The following GSE1 variants were observed in gnomAD, a reference collection of about 807,000 sequenced individuals.
GSE1 encodes the protein Gse1 coiled-coil protein.
A neutral mutation model predicts 112.6 loss-of-function variants in GSE1; 32 were observed. The ratio of observed to expected loss-of-function variants is 0.28; its 90% CI spans 0.21 to 0.38. The LOEUF (loss-of-function observed/expected upper bound fraction) is 0.38, where lower values mean the gene tolerates loss of function less well. GSE1 is among the 10% of genes least tolerant of loss of function. GSE1 has a pLI of 1.00. For missense variants in GSE1, 2,348 were observed against 1,699.2 expected (o/e 1.38, Z -6.71); for synonymous variants, 1,115 against 735.6 (o/e 1.52, Z -8.35).
chr16:85,664,174 C>T (rs1010248988), intron 11 of GSE1, among the ~76,000 whole-genome samples: 2 of 152,272 alleles, frequency 1.3e-5, no homozygotes, highest in Admixed American at 6.5e-5. Context: ...GCAGCCACAA[C>T]ACCTGCTCAG....
rs529333312 is a variant in GSE1, at chr16:85,656,028, C to G, written c.989+111C>G. On this transcript the variant is annotated intron_variant, in intron 6 of 15. Transcript: ENST00000253458. Reference sequence around the variant, plus strand: ...TGGACTCCTTGGCCATGCCTGTCCTCACAGTTTGTCCACCTGCCAAATGGG... The same window carrying G: ...TGGACTCCTTGGCCATGCCTGTCCTGACAGTTTGTCCACCTGCCAAATGGG... 9.5e-6 allele frequency: 8 copies of G among 838,308 alleles called. No individual in the cohort carries two copies. The South Asian group carries it at 1.4e-4, about 14-fold the overall frequency. 51.9% of individuals were successfully genotyped at this position (838,308 alleles called of 1,614,324 possible).
At chr16:85,306,094 A>C (rs1018782465) in intron 1 of GSE1, 2 of 154,068 alleles carry the variant, frequency 1.3e-5, no homozygotes, top group Non-Finnish European at 2.9e-5. Flanking sequence ...CTGTCTGAAA[A>C]AATAGAAAAA....
At chr16:85,551,147 T>A (rs2151236615), upstream of GSE1, among the ~76,000 whole-genome samples, 1 of 152,214 alleles carries the variant, frequency 6.6e-6, no homozygotes, top group South Asian at 2.1e-4. Flanking sequence ...CTCTTTTCCA[T>A]AAATGTCTGA....
intron 2 of GSE1, among the ~76,000 whole-genome samples, chr16:85,367,586 G>A (rs1401321241): frequency 6.6e-6 from 1 of 152,174 alleles, no homozygotes; most frequent in African/African-American, 2.4e-5. Context: ...AGAGGCCTAA[G>A]GAGGTGGCAT....
At chr16:85,639,306 G>A (rs936880075) in intron 2 of GSE1, among the ~76,000 whole-genome samples, 1 of 152,122 alleles carries the variant, frequency 6.6e-6, no homozygotes, top group Non-Finnish European at 1.5e-5. Context: ...TCCCCTCCTC[G>A]GAATGGCGGC....
chr16:85,176,763 C>T (rs2143220587), intron 1 of GSE1, among the ~76,000 whole-genome samples: 1 of 152,380 alleles, frequency 6.6e-6, no homozygotes, highest in African/African-American at 2.4e-5. Flanking sequence ...CCGCAACCAC[C>T]TTTCTTCTCT....
intron 2 of GSE1, among the ~76,000 whole-genome samples, chr16:85,508,267 C>T (rs1243669239): frequency 6.6e-6 from 1 of 152,228 alleles, no homozygotes; most frequent in Non-Finnish European, 1.5e-5. Context: ...CTCCTGACCT[C>T]AGGTGATCCA....
intron 3 of GSE1, among the ~76,000 whole-genome samples, chr16:85,649,144 C>T (rs1179380826): frequency 6.6e-6 from 1 of 152,136 alleles, no homozygotes; most frequent in South Asian, 2.1e-4. Context: ...CTGATCTCCT[C>T]TTCTCATAAG....
chr16:85,576,999 G>A (rs1430387702), intron 1 of GSE1, among the ~76,000 whole-genome samples: 1 of 152,160 alleles, frequency 6.6e-6, no homozygotes, highest in East Asian at 1.9e-4. Context: ...GATTATCACA[G>A]TCAGGACGCT....
chr16:85,205,607 C>T (rs1465763913), intron 1 of GSE1, among the ~76,000 whole-genome samples: 5 of 152,050 alleles, frequency 3.3e-5, no homozygotes, highest in Non-Finnish European at 5.9e-5. Flanking sequence ...CCCACAGCCC[C>T]TCTTTGGCTC....
At chr16:85,473,974 G>A (rs956322003) in intron 2 of GSE1, among the ~76,000 whole-genome samples, 4 of 152,098 alleles carry the variant, frequency 2.6e-5, no homozygotes, top group Non-Finnish European at 4.4e-5. Context: ...CCTGGGGGCC[G>A]AAGGCCCTGG....
intron 2 of GSE1, among the ~76,000 whole-genome samples, chr16:85,428,458 C>T (rs764178456): frequency 6.6e-6 from 1 of 152,234 alleles, no homozygotes; most frequent in Non-Finnish European, 1.5e-5. Context: ...CCTCAGCTTG[C>T]TTAGCTGTAA....
chr16:85,452,596 C>A (rs2049717171), intron 2 of GSE1, among the ~76,000 whole-genome samples: 2 of 152,268 alleles, frequency 1.3e-5, no homozygotes, highest in African/African-American at 4.8e-5. Context: ...TCTCAAAGGG[C>A]CTCCTTCCTC....
intron 1 of GSE1, among the ~76,000 whole-genome samples, chr16:85,236,900 C>T (rs908555157): frequency 1.1e-4 from 17 of 152,218 alleles, no homozygotes; most frequent in Non-Finnish European, 1.2e-4. Flanking sequence ...CAACTTCCAG[C>T]CACCTGCCCT....
At chr16:85,520,963 A>G (rs2052163420) in intron 2 of GSE1, among the ~76,000 whole-genome samples, 1 of 152,174 alleles carries the variant, frequency 6.6e-6, no homozygotes, top group Non-Finnish European at 1.5e-5. Context: ...GTGGCTTGGC[A>G]GACAGACCGG....
chr16:85,397,379 C>A (rs568416169), intron 2 of GSE1, among the ~76,000 whole-genome samples: 1 of 152,242 alleles, frequency 6.6e-6, no homozygotes, highest in Non-Finnish European at 1.5e-5. Context: ...GGTGCTGAGC[C>A]GTCTCCTGCG....
chr16:85,613,257 C>G (rs866491880), upstream of GSE1: 5 of 1,526,546 alleles, frequency 3.3e-6, no homozygotes, highest in Middle Eastern at 3.5e-4. Context: ...GGCCGGGGCC[C>G]CGGAAGCTCC....
Position 85,673,550 on chromosome 16 carries a change from TTTTAAAAA to T in GSE1, c.*1014_*1021del, listed in dbSNP as rs958485425. The stretch of plus-strand genomic sequence containing the variant: ...TCAGGACATTAAAATATTGAAGTGT[TTTTAAAAA>T]TTAAAGAAGAAGAAAAGTAAAAGAG... On this transcript the variant is annotated 3_prime_UTR_variant, in exon 16 of 16. Transcript: ENST00000253458. 1 of 151,998 alleles carries T rather than the reference TTTTAAAAA, an allele frequency of 6.6e-6. No homozygotes were observed. The highest frequency in any genetic ancestry group is 2.4e-5 in the African/African-American group (1 of 41,072). 9.4% of individuals were successfully genotyped at this position (151,998 alleles called of 1,614,324 possible). A position where few individuals can be genotyped will look rare whatever the true frequency, so the allele number is the denominator to read the frequency against.
intron 1 of GSE1, among the ~76,000 whole-genome samples, chr16:85,223,535 C>G (rs997443181): frequency 6.6e-6 from 1 of 151,816 alleles, no homozygotes; most frequent in Non-Finnish European, 1.5e-5. Context: ...AAAACAACAA[C>G]AAAAAAATTG....
Sources: allele counts gnomAD v4.1 joint callset (sites outside exome capture counted in the v4.1 genomes callset), GRCh38; gene constraint gnomAD v4.1.1; transcripts MANE v1.5; gene names NCBI Gene and HGNC (gene_info 2026-07-23, HGNC 2026-07-21).